TMEM181: variants seen among roughly 807,000 people sequenced by gnomAD.
TMEM181 encodes transmembrane protein 181.
A neutral mutation model predicts 71.9 loss-of-function variants in TMEM181; 39 were observed. That is an observed-to-expected ratio of 0.54 (90% CI 0.42 to 0.71). TMEM181 has a LOEUF of 0.71. Among genes scored for constraint, TMEM181 ranks in the 30% least tolerant of loss-of-function variants. TMEM181 has a pLI of 0.00. For missense variants in TMEM181, 595 were observed against 583.0 expected (o/e 1.02, Z -0.21); for synonymous variants, 245 against 228.8 (o/e 1.07, Z -0.64).
At chr6:158,614,529 C>T (rs2128322242) in intron 10 of TMEM181, among the ~76,000 whole-genome samples, 1 of 152,166 alleles carries the variant, frequency 6.6e-6, no homozygotes, top group South Asian at 2.1e-4. Context: ...GGTACATGTG[C>T]ACAACGTGCA....
Position 158,634,844 on chromosome 6 carries a change from G to C in TMEM181, c.*2956G>C, listed in dbSNP as rs1786857931. ...TTACTGAGGGTAGTTATGTTAAATAGATTATAATGTGGTAAATTATTTCCT... is the reference window on the plus strand; with the variant it reads ...TTACTGAGGGTAGTTATGTTAAATACATTATAATGTGGTAAATTATTTCCT... On this transcript the variant is annotated 3_prime_UTR_variant, in exon 17 of 17. Transcript: ENST00000684151. The C allele has an allele frequency of 6.6e-6, 1 of 152,112 alleles. No homozygotes were observed. Among genetic ancestry groups the C allele is most frequent in the Non-Finnish European group, 1.5e-5 (1 of 68,018 alleles). 9.4% of individuals were successfully genotyped at this position (152,112 alleles called of 1,614,324 possible). A position where few individuals can be genotyped will look rare whatever the true frequency, so the allele number is the denominator to read the frequency against.
intron 11 of TMEM181, among the ~76,000 whole-genome samples, 176 bp downstream of exon 11, chr6:158,623,783 T>G (rs1786111492): frequency 6.6e-6 from 1 of 150,926 alleles, no homozygotes; most frequent in African/African-American, 2.4e-5. Context: ...TTTTTTGAGT[T>G]GGAGTCTTGC....
At chr6:158,596,974 C>T (rs1208377513) in intron 6 of TMEM181, among the ~76,000 whole-genome samples, 1 of 152,186 alleles carries the variant, frequency 6.6e-6, no homozygotes, top group Non-Finnish European at 1.5e-5. Flanking sequence ...AACCGTATCA[C>T]TTCCCTAATG....
At chr6:158,575,074 G>C (rs764831654) in intron 2 of TMEM181, among the ~76,000 whole-genome samples, 4 of 152,202 alleles carry the variant, frequency 2.6e-5, no homozygotes, top group African/African-American at 4.8e-5. Flanking sequence ...AGAGCAATCT[G>C]CTTGACTCAG....
intron 6 of TMEM181, among the ~76,000 whole-genome samples, chr6:158,603,031 C>T (rs1784755020): frequency 1.3e-5 from 2 of 152,200 alleles, no homozygotes; most frequent in Admixed American, 6.5e-5. Flanking sequence ...ATTTTTCTCT[C>T]ACGGTGCTTC....
chr6:158,583,848 A>G (rs1048692667), intron 3 of TMEM181, 106 bp from the exon 4 acceptor site: 4 of 730,068 alleles, frequency 5.5e-6, no homozygotes, highest in African/African-American at 5.3e-5. Flanking sequence ...CAAAGCTAAC[A>G]CTGAAGCCTT....
intron 6 of TMEM181, 93 bp downstream of exon 6, chr6:158,589,875 A>G (rs1314347183): frequency 1.1e-6 from 1 of 951,090 alleles, no homozygotes; most frequent in East Asian, 2.5e-5. Flanking sequence ...CATCTAAATA[A>G]TGTTAATTTG....
At chr6:158,593,812 A>G (rs1391873017) in intron 6 of TMEM181, among the ~76,000 whole-genome samples, 1 of 152,120 alleles carries the variant, frequency 6.6e-6, no homozygotes, top group Non-Finnish European at 1.5e-5. Context: ...GAGAGTTCCT[A>G]AATGCTCTCT....
intron 1 of TMEM181, among the ~76,000 whole-genome samples, chr6:158,570,926 T>A (rs1284048548): frequency 6.6e-6 from 1 of 151,730 alleles, no homozygotes; most frequent in Non-Finnish European, 1.5e-5. Context: ...GTTGGTTTTT[T>A]TTTTTGAGAT....
chr6:158,556,559 G>A (rs1317240790), upstream of TMEM181, among the ~76,000 whole-genome samples: 1 of 152,150 alleles, frequency 6.6e-6, no homozygotes, highest in Non-Finnish European at 1.5e-5. Context: ...AATTATTCTT[G>A]GCTACAAGGA....
intron 2 of TMEM181, among the ~76,000 whole-genome samples, chr6:158,580,507 A>C (rs1037321488): frequency 1.3e-5 from 2 of 151,894 alleles, no homozygotes; most frequent in Non-Finnish European, 2.9e-5. Context: ...ATAGCCCTTA[A>C]TAAGTATTTT....
chr6:158,590,751 C>T lies in TMEM181; in HGVS notation c.492+969C>T, dbSNP rs150039364. 1.2e-3 allele frequency among the ~76,000 whole-genome samples: 184 copies of T among 152,348 alleles called. 1 individual carries two copies. The highest frequency in any genetic ancestry group is 3.7e-3 in the African/African-American group (154 of 41,584). ...TGCTGGGATTGCAGGCGTGAGCCAC[C>T]GCGCCCGGCCCATTCAGTGGTTTTT... On this transcript the variant is annotated intron_variant, in intron 6 of 16. Coordinates refer to ENST00000684151, the MANE Select transcript of TMEM181 (RefSeq NM_001376852.1).
At chr6:158,580,017 A>G (rs1783384427) in intron 2 of TMEM181, among the ~76,000 whole-genome samples, 1 of 152,000 alleles carries the variant, frequency 6.6e-6, no homozygotes, top group Non-Finnish European at 1.5e-5. Context: ...ATTTACTACC[A>G]CTGAACTGTA....
intron 4 of TMEM181, among the ~76,000 whole-genome samples, chr6:158,584,669 T>A (rs1160860253): frequency 6.6e-6 from 1 of 152,202 alleles, no homozygotes; most frequent in Non-Finnish European, 1.5e-5. Context: ...CATGAGACAC[T>A]CTGGTTGAGA....
rs565063723 is a variant in TMEM181 at position 158,620,699 on chromosome 6, A to G, written c.897-2851A>G. Among the ~76,000 whole-genome samples, 1 of 152,264 alleles carries G rather than the reference A, an allele frequency of 6.6e-6. No homozygotes were observed. The highest frequency in any genetic ancestry group is 1.9e-4 in the East Asian group (1 of 5,180). Reference sequence around the variant, plus strand: ...ATTGCTGGAAGAGTGAAGTGAGAGAAAAGATGGGGTGCATGGCCAGAGACT... The same window carrying G: ...ATTGCTGGAAGAGTGAAGTGAGAGAGAAGATGGGGTGCATGGCCAGAGACT... On this transcript the variant is annotated intron_variant, in intron 10 of 16. Coordinates refer to ENST00000684151, the MANE Select transcript of TMEM181 (RefSeq NM_001376852.1). The surrounding 1 kb of genome is among the most constrained non-coding windows in gnomAD (Gnocchi z 4.5).
intron 6 of TMEM181, 129 bp from the exon 7 acceptor site, chr6:158,605,138 G>GTGTGTGTT: frequency 2.4e-6 from 1 of 414,730 alleles, no homozygotes; most frequent in Non-Finnish European, 4.3e-6. Flanking sequence ...AAAAGTGTGT[G>GTGTGTGTT]TGTGTGTGTG....
intron 1 of TMEM181, among the ~76,000 whole-genome samples, chr6:158,549,540 G>A (rs1034506413): frequency 2.6e-5 from 4 of 152,178 alleles, no homozygotes; most frequent in African/African-American, 9.7e-5. Flanking sequence ...TCAAGACTAT[G>A]GTGGTGTCAG....
intron 6 of TMEM181, among the ~76,000 whole-genome samples, chr6:158,590,807 G>A (rs1347091677): frequency 6.6e-6 from 1 of 152,230 alleles, no homozygotes; most frequent in African/African-American, 2.4e-5. Flanking sequence ...CAGTCATTCT[G>A]TTCCAGAACA....
At position 158,632,086 on chromosome 6, in the gene TMEM181, G is replaced by C. The variant is rs1343432471; in HGVS notation, c.*198G>C. ...CCAAATTTATTGTCATGGTGGCTAC[G>C]AGAAGAGGCATTGATAACAAGTTTC... On this transcript the variant is annotated 3_prime_UTR_variant, in exon 17 of 17. Coordinates refer to ENST00000684151, the MANE Select transcript of TMEM181 (RefSeq NM_001376852.1). 1.8e-6 allele frequency: 1 copy of C among 568,526 alleles called. No homozygotes were observed. Among genetic ancestry groups the C allele is most frequent in the Admixed American group, 3.1e-5 (1 of 32,294 alleles). 35.2% of individuals were successfully genotyped at this position (568,526 alleles called of 1,614,324 possible). A position where few individuals can be genotyped will look rare whatever the true frequency, so the allele number is the denominator to read the frequency against.
Sources: allele counts gnomAD v4.1 joint callset (sites outside exome capture counted in the v4.1 genomes callset), GRCh38; gene constraint gnomAD v4.1.1; non-coding constraint Gnocchi (gnomAD v3.1); transcripts MANE v1.5; gene names NCBI Gene and HGNC (gene_info 2026-07-23, HGNC 2026-07-21).